The following NEFM variants were observed in gnomAD, a reference collection of about 807,000 sequenced individuals.
The protein encoded by NEFM is neurofilament medium polypeptide.
A neutral mutation model predicts 48.1 loss-of-function variants in NEFM; 16 were observed. That is an observed-to-expected ratio of 0.33 (90% CI 0.23 to 0.51). The LOEUF (loss-of-function observed/expected upper bound fraction) is 0.51. Among genes scored for constraint, NEFM ranks in the 20% least tolerant of loss-of-function variants. NEFM has a pLI of 0.98. For synonymous variants in NEFM, 465 were observed against 456.9 expected (o/e 1.02, Z -0.23); for missense variants, 1,107 against 1,136.0 (o/e 0.97, Z 0.37).
chr8:24,915,295 C>T (rs1225111970), intron 1 of NEFM: 53 of 1,293,006 alleles, frequency 4.1e-5, no homozygotes, highest in Non-Finnish European at 5.0e-5. Flanking sequence ...TGGGAATGGC[C>T]AGGTCAGCCA....
rs1802593522 is a variant in NEFM at position 24,917,454 on chromosome 8, G to A, written c.1599G>A (p.Gln533=). Residue 533 remains glutamine (Q), a synonymous_variant, in exon 3 of 3, where the codon CAG becomes CAA. Coordinates refer to ENST00000221166, the MANE Select transcript of NEFM (RefSeq NM_005382.2). ...GGGAAAAGGAGGAAGAAGAAGGCCA[G>A]GAAGAAGAGGAGGAAGAAGATGAGG... The part of the protein sequence containing the change: ...EEGEKEEEEG[Q]EEEEEEDEGA... The A allele has an allele frequency of 2.1e-5, 32 of 1,555,470 alleles. No individual in the cohort carries two copies. The highest frequency in any genetic ancestry group is 2.8e-5 in the Non-Finnish European group (32 of 1,148,980).
rs1802619920 is a variant in NEFM, at chr8:24,918,598, A to G, written c.2743A>G (p.Ser915Gly). 1.2e-6 allele frequency: 2 copies of G among 1,605,976 alleles called. No individual in the cohort carries two copies. Residue 915 changes from serine to glycine, a missense_variant, in exon 3 of 3, where the codon AGT (serine) becomes GGT (glycine). Coordinates refer to ENST00000221166, the MANE Select transcript of NEFM (RefSeq NM_005382.2). ...CGCCATAGTAAAGGAAGTCACCCAG[A>G]GTGACTAAGATTTGAGTCCATTGCA... The part of the protein sequence containing the change: ...SHAIVKEVTQ[S>G]D
Position 24,917,540 on chromosome 8 carries a change from A to C in NEFM, c.1685A>C (p.Glu562Ala). Residue 562 changes from glutamate (E) to alanine (A), a missense_variant, in exon 3 of 3, where the codon GAG (glutamate) becomes GCG (alanine). Around this residue, in one of 3 missense-constraint regions of NEFM, gnomAD observed 917 missense variants for 916.4 expected, o/e 1.00. Transcript: ENST00000221166. The stretch of plus-strand genomic sequence containing the variant: ...GAGAAGGAAGGCTCTAGTGAAAAAG[A>C]GGAAGGTGAGCAGGAAGAAGGAGAA... ...GSEKEGSSEKEEGEQEEGETE... is the reference protein window; with the variant it reads ...GSEKEGSSEKAEGEQEEGETE... 1.3e-6 allele frequency: 2 copies of C among 1,562,106 alleles called. No homozygotes were observed. Among genetic ancestry groups the C allele is most frequent in the Non-Finnish European group, 1.7e-6 (2 of 1,152,790 alleles).
chr8:24,916,474 A>G (rs1802574695), intron 2 of NEFM, among the ~76,000 whole-genome samples: 1 of 152,204 alleles, frequency 6.6e-6, no homozygotes, highest in Admixed American at 6.5e-5. Context: ...TGCTACCAAT[A>G]AGGTAGTTAT....
intron 1 of NEFM, 183 bp downstream of exon 1, chr8:24,915,056 C>T (rs1423813100): frequency 2.2e-6 from 3 of 1,379,814 alleles, no homozygotes; most frequent in African/African-American, 3.1e-5. Context: ...CTCCACACTC[C>T]GCCCCCACCC....
chr8:24,914,196 G>A lies in NEFM; in HGVS notation c.403G>A (p.Ala135Thr), dbSNP rs1802536988. 6.2e-7 allele frequency: 1 copy of A among 1,611,874 alleles called. No individual in the cohort carries two copies. The highest frequency in any genetic ancestry group is 2.2e-5 in the East Asian group (1 of 44,782). The change falls in exon 1 of 3, where the codon GCG (alanine) becomes ACG (threonine). Residue 135 changes from alanine to threonine, a missense_variant. By Grantham distance (58) the Ala-to-Thr change is moderately conservative. Transcript: ENST00000221166. ...TAAGGAGATTGAGGCGGAGATCCAG[G>A]CGCTGCGGCAGAAGCAGGCCTCGCA... ...QNKEIEAEIQALRQKQASHAQ... is the reference protein window; with the variant it reads ...QNKEIEAEIQTLRQKQASHAQ...
chr8:24,918,544 A>C lies in NEFM; in HGVS notation c.2689A>C (p.Thr897Pro), dbSNP rs1170686823. ...GACCTTTGAGGAGAAACTAGTGTCT[A>C]CTAAAAAGGTAGAAAAAGTCACTTC... Reference protein sequence around the residue: ...EETFEEKLVSTKKVEKVTSHA... With the variant: ...EETFEEKLVSPKKVEKVTSHA... The change falls in exon 3 of 3, where the codon ACT (threonine) becomes CCT (proline). Residue 897 changes from threonine to proline, a missense_variant. Thr to Pro is a conservative substitution (Grantham distance 38, BLOSUM62 -1). Around this residue, in one of 3 missense-constraint regions of NEFM, gnomAD observed 917 missense variants for 916.4 expected, o/e 1.00. Coordinates refer to ENST00000221166, the MANE Select transcript of NEFM (RefSeq NM_005382.2). 6.2e-7 allele frequency: 1 copy of C among 1,613,812 alleles called. No individual in the cohort carries two copies. Among genetic ancestry groups the C allele is most frequent in the Non-Finnish European group, 8.5e-7 (1 of 1,180,008 alleles).
At chr8:24,916,412 G>A (rs1802573609) in intron 2 of NEFM, among the ~76,000 whole-genome samples, 2 of 152,154 alleles carry the variant, frequency 1.3e-5, no homozygotes, top group African/African-American at 4.8e-5. Flanking sequence ...TAACTGAAGT[G>A]ACCTTGCTGT....
At position 24,917,959 on chromosome 8, in the gene NEFM, A is replaced by G; in HGVS notation, c.2104A>G (p.Lys702Glu). Residue 702 changes from lysine to glutamate, a missense_variant, in exon 3 of 3, where the codon AAA (lysine) becomes GAA (glutamate). Physicochemically the swap from Lys to Glu is moderately conservative, Grantham distance 56 (BLOSUM62 1). Transcript: ENST00000221166. The stretch of plus-strand genomic sequence containing the variant: ...AGCAGAAGTGGGGAAAGGTGAACAG[A>G]AAGAGGAAGAAGAAAAGGAAGTCAA... ...SKAEVGKGEQ[K>E]EEEEKEVKEA... The G allele has an allele frequency of 6.2e-7, 1 of 1,613,650 alleles. No individual in the cohort carries two copies.
Position 24,917,507 on chromosome 8 carries a change from G to A in NEFM, c.1652G>A (p.Gly551Glu). 2 of 1,555,230 alleles carry A rather than the reference G, an allele frequency of 1.3e-6. No homozygotes were observed. Among genetic ancestry groups the A allele is most frequent in the Non-Finnish European group, 1.7e-6 (2 of 1,148,880 alleles). ...GCTAAGTCAGACCAAGCCGAAGAGG[G>A]AGGATCCGAGAAGGAAGGCTCTAGT... Reference protein sequence around the residue: ...EGAKSDQAEEGGSEKEGSSEK... With the variant: ...EGAKSDQAEEEGSEKEGSSEK... The change falls in exon 3 of 3, where the codon GGA (glycine) becomes GAA (glutamate). Residue 551 changes from glycine to glutamate, a missense_variant. Physicochemically the swap from Gly to Glu is moderately conservative, Grantham distance 98. Transcript: ENST00000221166.
intron 2 of NEFM, among the ~76,000 whole-genome samples, 160 bp downstream of exon 2, chr8:24,915,889 A>T (rs1449128787): frequency 6.6e-6 from 1 of 152,240 alleles, no homozygotes; most frequent in Non-Finnish European, 1.5e-5. Context: ...AAAGAATTGC[A>T]AGTGTAGTTT....
chr8:24,913,880 C>A lies in NEFM; in HGVS notation c.87C>A (p.Gly29=). 6.2e-7 allele frequency: 1 copy of A among 1,610,614 alleles called. No homozygotes were observed. ...ETRSSFSRVS[G]SPSSGFRSQS... ...GCTCGAGCTTCAGCCGCGTCAGCGG[C>A]TCCCCGTCCAGTGGCTTCCGCTCGC... The change falls in exon 1 of 3, where the codon GGC becomes GGA. Residue 29 remains glycine (G), a synonymous_variant. Coordinates refer to ENST00000221166, the MANE Select transcript of NEFM (RefSeq NM_005382.2).
At chr8:24,916,224 G>C (rs1802570788) in intron 2 of NEFM, among the ~76,000 whole-genome samples, 1 of 151,984 alleles carries the variant, frequency 6.6e-6, no homozygotes, top group Admixed American at 6.6e-5. Flanking sequence ...TATATATGTA[G>C]ATAATTTATA....
chr8:24,917,883 G>C lies in NEFM; in HGVS notation c.2028G>C (p.Glu676Asp). Reference protein sequence around the residue: ...KSPVSKSPVEEKAKSPVPKSP... With the variant: ...KSPVSKSPVEDKAKSPVPKSP... ...CTGTGTCAAAATCACCAGTGGAAGAGAAAGCCAAATCTCCTGTGCCAAAAT... is the reference window on the plus strand; with the variant it reads ...CTGTGTCAAAATCACCAGTGGAAGACAAAGCCAAATCTCCTGTGCCAAAAT... Residue 676 changes from glutamate to aspartate, a missense_variant, in exon 3 of 3, where the codon GAG becomes GAC. By Grantham distance (45) the Glu-to-Asp change is conservative. Around this residue, in one of 3 missense-constraint regions of NEFM, gnomAD observed 917 missense variants for 916.4 expected, o/e 1.00. Coordinates refer to ENST00000221166, the MANE Select transcript of NEFM (RefSeq NM_005382.2). 1 of 1,614,000 alleles carries C rather than the reference G, an allele frequency of 6.2e-7. No individual in the cohort carries two copies.
In NEFM at chr8:24,914,154, T is replaced by C. The variant is rs1281119983; in HGVS notation, c.361T>C (p.Tyr121His). Residue 121 changes from tyrosine to histidine, a missense_variant, in exon 1 of 3, where the codon TAC (tyrosine) becomes CAC (histidine). Coordinates refer to ENST00000221166, the MANE Select transcript of NEFM (RefSeq NM_005382.2). ...RFAGYIEKVH[Y>H]LEQQNKEIEA... ...TGCCGGCTACATAGAGAAGGTGCAC[T>C]ACCTGGAGCAGCAGAATAAGGAGAT... 2.7e-5 allele frequency: 43 copies of C among 1,612,348 alleles called. No individual in the cohort carries two copies. The highest frequency in any genetic ancestry group is 3.6e-5 in the Non-Finnish European group (42 of 1,179,372).
rs745711954 is a variant in NEFM, at chr8:24,917,663, C to T, written c.1808C>T (p.Ala603Val). ...GTGGCTACCAAGGAGGAGCTGGTGG[C>T]AGATGCCAAGGTGGAAAAGCCAGAA... is the stretch of plus-strand genomic sequence containing the variant. The part of the protein sequence containing the change: ...EEVATKEELV[A>V]DAKVEKPEKA... The change falls in exon 3 of 3, where the codon GCA becomes GTA. Residue 603 changes from alanine (A) to valine (V), a missense_variant. Transcript: ENST00000221166. 6.2e-7 allele frequency: 1 copy of T among 1,613,242 alleles called. No homozygotes were observed. Among genetic ancestry groups the T allele is most frequent in the Non-Finnish European group, 8.5e-7 (1 of 1,180,018 alleles).
chr8:24,915,081 C>T, intron 1 of NEFM: 1 of 1,377,326 alleles, frequency 7.3e-7, no homozygotes, highest in Non-Finnish European at 9.3e-7. Context: ...GCCCCAGCTG[C>T]TAAGGGTCTT....
rs1586107578 is a variant in NEFM at position 24,915,533 on chromosome 8, T to C, written c.1081-72T>C. 14 of 1,606,162 alleles carry C rather than the reference T, an allele frequency of 8.7e-6. No individual in the cohort carries two copies. In the South Asian group the frequency reaches 1.5e-4, roughly 18 times the overall value. On this transcript the variant is annotated intron_variant, in intron 1 of 2. Transcript: ENST00000221166. The stretch of plus-strand genomic sequence containing the variant: ...ACGGGAGGAGGCCAGGGGGAAGGGG[T>C]AGCAAGTGGTTTGCGAAGGAAGTTG...
rs371298815 is a variant in NEFM, at chr8:24,914,852, C to A, written c.1059C>A (p.Asn353Lys). The A allele has an allele frequency of 1.9e-6, 3 of 1,595,770 alleles. No individual in the cohort carries two copies. The highest frequency in any genetic ancestry group is 2.6e-6 in the Non-Finnish European group (3 of 1,172,582). Residue 353 changes from asparagine (N) to lysine (K), a missense_variant, in exon 1 of 3, where the codon AAC (asparagine) becomes AAA (lysine). Asn to Lys is a moderately conservative substitution (Grantham distance 94). Transcript: ENST00000221166. ...TCAGCGACATCGAGGAGCGCCACAA[C>A]CACGACCTCAGCAGCTACCAGGTAG... Reference protein sequence around the residue: ...RQLSDIEERHNHDLSSYQDTI... With the variant: ...RQLSDIEERHKHDLSSYQDTI...
Sources: allele counts gnomAD v4.1 joint callset (sites outside exome capture counted in the v4.1 genomes callset), GRCh38; gene constraint gnomAD v4.1.1; regional missense constraint gnomAD v4.1.1; transcripts MANE v1.5; gene names NCBI Gene and HGNC (gene_info 2026-07-23, HGNC 2026-07-21).